Variants in CNTNAP2 observed in about 807,000 individuals in gnomAD.
CNTNAP2 encodes contactin associated protein 2.
CNTNAP2 carries 98 observed loss-of-function variants against 155.2 expected under a neutral mutation model. The observed-to-expected ratio is 0.63, with a 90% confidence interval of 0.54 to 0.75. The LOEUF (loss-of-function observed/expected upper bound fraction) is 0.75, where lower values mean the gene tolerates loss of function less well. Ranked by LOEUF, CNTNAP2 falls within the 30% of genes least tolerant of loss-of-function variation. The pLI is 0.00. For missense variants in CNTNAP2, 1,727 were observed against 1,688.1 expected, an observed-to-expected ratio of 1.02 and a Z score of -0.40; for synonymous variants, 651 against 631.2, an observed-to-expected ratio of 1.03 and a Z score of -0.47.
At chr7:147,324,338 G>A (rs749088834) in intron 9 of CNTNAP2, among the ~76,000 whole-genome samples, 1 of 152,138 alleles carries the variant, frequency 6.6e-6, no homozygotes, top group Non-Finnish European at 1.5e-5. Context: ...TATTAGAAAT[G>A]TTTATATTAT....
chr7:148,089,183 C>T (rs1033558073), intron 15 of CNTNAP2, among the ~76,000 whole-genome samples: 27 of 151,938 alleles, frequency 1.8e-4, no homozygotes, highest in Non-Finnish European at 1.5e-4. Context: ...ATACAACAAG[C>T]CCATAGCTGA....
At chr7:146,996,921 A>C (rs184682973) in intron 3 of CNTNAP2, among the ~76,000 whole-genome samples, 89 of 152,182 alleles carry the variant, frequency 5.8e-4, no homozygotes, top group African/African-American at 2.1e-3. Flanking sequence ...TAAGTCTCAC[A>C]ATATCTGACA....
intron 1 of CNTNAP2, among the ~76,000 whole-genome samples, chr7:146,623,294 C>A (rs1040402006): frequency 2.6e-5 from 4 of 152,034 alleles, no homozygotes; most frequent in African/African-American, 9.7e-5. Context: ...CGTTTTAAAG[C>A]GTTTTTCATA....
intron 21 of CNTNAP2, among the ~76,000 whole-genome samples, chr7:148,348,101 T>C (rs1430416348): frequency 6.6e-6 from 1 of 152,196 alleles, no homozygotes; most frequent in Non-Finnish European, 1.5e-5. Flanking sequence ...TTCCCTAAGC[T>C]CTTGAAGTCT....
intron 7 of CNTNAP2, among the ~76,000 whole-genome samples, chr7:147,131,222 A>G (rs974696581): frequency 6.6e-6 from 1 of 151,010 alleles, no homozygotes; most frequent in Non-Finnish European, 1.5e-5. Context: ...ATATACATAT[A>G]CCATACACAT....
At chr7:147,142,204 G>A (rs1296724747) in intron 8 of CNTNAP2, among the ~76,000 whole-genome samples, 1 of 152,158 alleles carries the variant, frequency 6.6e-6, no homozygotes, top group African/African-American at 2.4e-5. Flanking sequence ...GTTATTGGCT[G>A]TGGGTTTGTC....
chr7:147,736,751 T>C (rs535931419), intron 13 of CNTNAP2, among the ~76,000 whole-genome samples: 1 of 152,328 alleles, frequency 6.6e-6, no homozygotes, highest in Admixed American at 6.5e-5. Flanking sequence ...AAACTTCTCT[T>C]CTTGCTTCAT....
rs1298116638 is a variant in CNTNAP2 at position 147,326,440 on chromosome 7, C to T, written c.1498+26150C>T. Among the ~76,000 whole-genome samples, 6 of 152,306 alleles carry T rather than the reference C, an allele frequency of 3.9e-5. 1 individual carries two copies. The highest frequency in any genetic ancestry group is 3.9e-4 in the Admixed American group (6 of 15,308). On this transcript the variant is annotated intron_variant, in intron 9 of 23. Transcript: ENST00000361727. ...ATCACATCTTGTTTATTCATTCATGCATCAATGAACATTTGCGGTGTTTCT... is the reference window on the plus strand; with the variant it reads ...ATCACATCTTGTTTATTCATTCATGTATCAATGAACATTTGCGGTGTTTCT...
chr7:147,235,345 G>GGTGTGTGTGT (rs60072934), intron 8 of CNTNAP2, among the ~76,000 whole-genome samples: 6,457 of 140,890 alleles, frequency 0.046, 222 homozygotes, highest in East Asian at 0.17. Flanking sequence ...TGGAGTTTTT[G>GGTGTGTGTGT]GTGTGTGTGT....
intron 15 of CNTNAP2, among the ~76,000 whole-genome samples, chr7:148,035,512 G>A (rs1176820993): frequency 3.9e-5 from 6 of 152,190 alleles, no homozygotes; most frequent in Admixed American, 2.6e-4. Context: ...TGGTGCTCCA[G>A]AAAGTATAAG....
At chr7:146,800,767 A>T (rs1162190160) in intron 2 of CNTNAP2, among the ~76,000 whole-genome samples, 2 of 152,158 alleles carry the variant, frequency 1.3e-5, no homozygotes, top group Non-Finnish European at 2.9e-5. Flanking sequence ...TTTCAAAAAC[A>T]TGAAACGAAT....
intron 8 of CNTNAP2, among the ~76,000 whole-genome samples, chr7:147,230,230 T>C (rs185896794): frequency 2.0e-4 from 30 of 152,112 alleles, no homozygotes; most frequent in Admixed American, 1.4e-3. Flanking sequence ...CTCAGTTACA[T>C]TTTATTTTTT....
intron 1 of CNTNAP2, among the ~76,000 whole-genome samples, chr7:146,141,093 A>T (rs1219923895): frequency 4.6e-5 from 7 of 152,216 alleles, no homozygotes; most frequent in Non-Finnish European, 8.8e-5. Context: ...ATATAACTAC[A>T]GTGTCAGTGG....
intron 21 of CNTNAP2, among the ~76,000 whole-genome samples, chr7:148,298,265 C>T (rs938709075): frequency 6.6e-6 from 1 of 151,950 alleles, no homozygotes; most frequent in South Asian, 2.1e-4. Context: ...CATCATCATC[C>T]GTATTGGTAA....
chr7:146,991,175 T>C (rs1798201812), intron 3 of CNTNAP2, among the ~76,000 whole-genome samples: 1 of 151,978 alleles, frequency 6.6e-6, no homozygotes, highest in Admixed American at 6.6e-5. Flanking sequence ...AAAGGAAAAA[T>C]AATGGCAGTT....
At chr7:147,487,271 G>T (rs1798526168) in intron 11 of CNTNAP2, among the ~76,000 whole-genome samples, 1 of 152,010 alleles carries the variant, frequency 6.6e-6, no homozygotes, top group Non-Finnish European at 1.5e-5. Context: ...ATGTCAAGAA[G>T]GTCAAAATTG....
chr7:146,938,147 C>G (rs1425223308), intron 3 of CNTNAP2, among the ~76,000 whole-genome samples: 1 of 151,998 alleles, frequency 6.6e-6, no homozygotes. Flanking sequence ...CTCTAGTCTC[C>G]CCTAGTCATT....
chr7:147,063,331 A>G (rs895408835), intron 4 of CNTNAP2, among the ~76,000 whole-genome samples: 2 of 151,746 alleles, frequency 1.3e-5, no homozygotes, highest in African/African-American at 4.8e-5. Context: ...TCCCTCTTTT[A>G]TCTATCCTAT....
intron 4 of CNTNAP2, among the ~76,000 whole-genome samples, chr7:147,064,617 G>C (rs1028645678): frequency 6.6e-6 from 1 of 152,018 alleles, no homozygotes; most frequent in Non-Finnish European, 1.5e-5. Context: ...CCCATCTCCA[G>C]TCACAGTTCT....
Sources: allele counts gnomAD v4.1 joint callset (sites outside exome capture counted in the v4.1 genomes callset), GRCh38; gene constraint gnomAD v4.1.1; transcripts MANE v1.5; gene names NCBI Gene and HGNC (gene_info 2026-07-23, HGNC 2026-07-21).